The following CEACAM18 variants were observed in gnomAD, a reference collection of about 807,000 sequenced individuals.
The protein encoded by CEACAM18 is cell adhesion molecule CEACAM18.
Under a neutral mutation model 34.3 loss-of-function variants are expected in CEACAM18, and 33 were observed. The ratio of observed to expected loss-of-function variants is 0.96; its 90% confidence interval spans 0.73 to 1.29. The LOEUF (loss-of-function observed/expected upper bound fraction) is 1.29. CEACAM18 is among the 50% of genes most tolerant of loss of function. CEACAM18 has a pLI of 0.00. For synonymous variants in CEACAM18, 169 were observed against 180.9 expected, an observed-to-expected ratio of 0.93 and a Z score of 0.53; for missense variants, 474 against 485.0, an observed-to-expected ratio of 0.98 and a Z score of 0.21.
intron 5 of CEACAM18, among the ~76,000 whole-genome samples, chr19:51,488,562 CT>C (rs1160302005): frequency 1.3e-5 from 2 of 152,174 alleles, no homozygotes; most frequent in Non-Finnish European, 1.5e-5. Context: ...TCAGCGAGGT[CT>C]TGGAAATGCA....
At chr19:51,489,485 G>T (rs996310579) in intron 5 of CEACAM18, among the ~76,000 whole-genome samples, 2 of 152,018 alleles carry the variant, frequency 1.3e-5, no homozygotes, top group Non-Finnish European at 2.9e-5. Context: ...AATAAATGGT[G>T]GGGCAAGAGG....
chr19:51,483,454 G>T (rs1386175121), intron 4 of CEACAM18, 158 bp downstream of exon 4: 5 of 852,658 alleles, frequency 5.9e-6, no homozygotes, highest in Non-Finnish European at 5.5e-6. Flanking sequence ...TGGGTCCAAA[G>T]CTGCCTCCTC....
chr19:51,483,161 T>C (rs756105275), exon 4 of CEACAM18: 1 of 1,613,990 alleles, frequency 6.2e-7, no homozygotes, highest in East Asian at 2.2e-5. Flanking sequence ...AATGGCTCCC[T>C]CCTGAACTTC....
intron 4 of CEACAM18, among the ~76,000 whole-genome samples, chr19:51,484,344 C>T (rs927585051): frequency 7.3e-5 from 11 of 149,966 alleles, no homozygotes; most frequent in African/African-American, 2.7e-4. Flanking sequence ...AACAGAGTCT[C>T]GCTCTGTTGC....
At chr19:51,480,900 T>C (rs1286816250) in intron 2 of CEACAM18, among the ~76,000 whole-genome samples, 1 of 152,100 alleles carries the variant, frequency 6.6e-6, no homozygotes, top group Admixed American at 6.5e-5. Context: ...TGGCTGCAAA[T>C]ACATACTGCA....
At chr19:51,483,142 T>C (rs1989945594) in exon 4 of CEACAM18, 2 of 1,614,060 alleles carry the variant, frequency 1.2e-6, no homozygotes, top group South Asian at 2.2e-5. Flanking sequence ...CAAGTACCAC[T>C]GGATCCACAA....
chr19:51,487,857 T>C (rs1450419219), intron 5 of CEACAM18, among the ~76,000 whole-genome samples: 2 of 152,188 alleles, frequency 1.3e-5, no homozygotes, highest in African/African-American at 4.8e-5. Flanking sequence ...CCACTAGTCA[T>C]ACGTGACTAA....
chr19:51,486,292 G>A (rs932053724), intron 5 of CEACAM18, among the ~76,000 whole-genome samples: 8 of 152,038 alleles, frequency 5.3e-5, no homozygotes, highest in African/African-American at 7.2e-5. Context: ...TAATGATGAC[G>A]GTAGCAAATG....
intron 5 of CEACAM18, among the ~76,000 whole-genome samples, chr19:51,486,125 A>G (rs1989995328): frequency 6.6e-6 from 1 of 151,936 alleles, no homozygotes; most frequent in South Asian, 2.1e-4. Context: ...TGATGATAGT[A>G]ATAGTGGTGG....
intron 5 of CEACAM18, 53 bp downstream of exon 5, chr19:51,485,175 C>G: frequency 1.4e-6 from 2 of 1,441,184 alleles, no homozygotes; most frequent in East Asian, 2.5e-5. Flanking sequence ...GGCTGGGACT[C>G]AGGAGCCAGC....
intron 5 of CEACAM18, among the ~76,000 whole-genome samples, chr19:51,487,705 C>T (rs1359855726): frequency 1.5e-5 from 2 of 129,994 alleles, no homozygotes; most frequent in African/African-American, 6.2e-5. Flanking sequence ...GATTCAAGTG[C>T]AGTTCAAGTG....
chr19:51,480,311 C>CT (rs781363924), intron 1 of CEACAM18, 22 bp from the exon 2 acceptor site: 5 of 1,550,846 alleles, frequency 3.2e-6, no homozygotes, highest in East Asian at 4.6e-5. Context: ...TTCTCTCTGT[C>CT]TTTTTTCCTT....
Position 51,480,667 on chromosome 19 carries a change from G to A in CEACAM18, c.387G>A (p.Trp129Ter), listed in dbSNP as rs369762254. The change falls in exon 2 of 6, where the codon TGG (tryptophan) becomes TGA (stop). Residue 129 changes from tryptophan to a stop codon, truncating the protein, a stop_gained. Transcript: ENST00000396477. LOFTEE classifies it high-confidence loss of function. ...ATGAGACCCAAAGAGCAACCGGCTG[G>A]CTGGAGGTTCTAGGTGGGTTAGCAG... 2 of 1,612,148 alleles carry A rather than the reference G, an allele frequency of 1.2e-6. No individual in the cohort carries two copies. Among genetic ancestry groups the A allele is most frequent in the African/African-American group, 2.7e-5 (2 of 74,884 alleles).
intron 1 of CEACAM18, among the ~76,000 whole-genome samples, chr19:51,479,530 C>T (rs750127209): frequency 1.2e-4 from 18 of 152,236 alleles, no homozygotes; most frequent in South Asian, 2.1e-4. Flanking sequence ...CAGTCCAGGG[C>T]GAGATATAGA....
At chr19:51,485,589 G>T (rs1330908414) in intron 5 of CEACAM18, among the ~76,000 whole-genome samples, 2 of 152,188 alleles carry the variant, frequency 1.3e-5, no homozygotes, top group African/African-American at 4.8e-5. Flanking sequence ...GTTACCTTGG[G>T]TAGGTCACTT....
At chr19:51,481,895 C>T (rs999216592) in intron 3 of CEACAM18, among the ~76,000 whole-genome samples, 9 of 152,116 alleles carry the variant, frequency 5.9e-5, no homozygotes, top group African/African-American at 1.7e-4. Flanking sequence ...GACGCCAGTC[C>T]CCACTTCTCA....
exon 6 of CEACAM18, chr19:51,490,730 G>A: frequency 2.5e-6 from 2 of 813,732 alleles, no homozygotes; most frequent in Non-Finnish European, 1.7e-6. Flanking sequence ...TCTTTGGAGG[G>A]TACTGGCAAG....
chr19:51,481,184 C>T (rs189900331), intron 2 of CEACAM18, among the ~76,000 whole-genome samples: 10 of 152,312 alleles, frequency 6.6e-5, no homozygotes, highest in Admixed American at 5.2e-4. Context: ...GCAGACAGCA[C>T]GGCAGTGGCT....
At chr19:51,487,670 G>A (rs949542150) in intron 5 of CEACAM18, among the ~76,000 whole-genome samples, 10 of 152,076 alleles carry the variant, frequency 6.6e-5, no homozygotes, top group African/African-American at 2.4e-4. Context: ...GGAGGCTGAG[G>A]CAGGAGAATC....
Sources: gnomAD v4.1 joint callset for allele counts (sites outside exome capture counted in the v4.1 genomes callset) on GRCh38, gnomAD v4.1.1 for gene constraint, MANE v1.5 for transcripts, NCBI Gene and HGNC (gene_info 2026-07-23, HGNC 2026-07-21) for gene names.